The following KIF26B variants were observed in gnomAD, a reference collection of about 807,000 sequenced individuals.
KIF26B encodes the protein kinesin-like protein KIF26B.
In KIF26B, 63 loss-of-function variants were observed where a neutral mutation model predicts 151.2. The observed-to-expected ratio is 0.42, with a 90% CI of 0.34 to 0.51. The LOEUF is 0.51. Among genes scored for constraint, KIF26B ranks in the 20% least tolerant of loss-of-function variants. KIF26B has a pLI of 0.07. For missense variants in KIF26B, 2,813 were observed against 2,913.6 expected, an observed-to-expected ratio of 0.97 and a Z score of 0.79; for synonymous variants, 1,357 against 1,262.1, an observed-to-expected ratio of 1.08 and a Z score of -1.59.
intron 2 of KIF26B, among the ~76,000 whole-genome samples, chr1:245,301,888 T>C (rs1345866946): frequency 6.6e-6 from 1 of 152,186 alleles, no homozygotes; most frequent in African/African-American, 2.4e-5. Flanking sequence ...TGTTGAGATG[T>C]GTAAAAACGG....
chr1:245,193,968 G>A (rs1158076119), intron 2 of KIF26B, among the ~76,000 whole-genome samples: 1 of 152,194 alleles, frequency 6.6e-6, no homozygotes, highest in Non-Finnish European at 1.5e-5. Context: ...ATGGACGCCA[G>A]AAAGTTTCTT....
chr1:245,304,132 A>C (rs746224883), intron 2 of KIF26B, among the ~76,000 whole-genome samples: 2 of 152,228 alleles, frequency 1.3e-5, no homozygotes, highest in Non-Finnish European at 2.9e-5. Context: ...GGCACATCTT[A>C]CACTGTCTTT....
At chr1:245,298,677 T>C (rs1259837042) in intron 2 of KIF26B, among the ~76,000 whole-genome samples, 1 of 152,078 alleles carries the variant, frequency 6.6e-6, no homozygotes, top group Non-Finnish European at 1.5e-5. Context: ...ACACAGAAAA[T>C]TAGTTTTCAG....
intron 9 of KIF26B, among the ~76,000 whole-genome samples, chr1:245,613,552 C>T (rs541042744): frequency 2.6e-5 from 4 of 152,288 alleles, no homozygotes; most frequent in East Asian, 1.9e-4. Flanking sequence ...GAGCCCAGAT[C>T]GTGCCACTGC....
At chr1:245,692,458 C>T (rs1218729474) in intron 12 of KIF26B, among the ~76,000 whole-genome samples, 4 of 152,056 alleles carry the variant, frequency 2.6e-5, no homozygotes, top group Admixed American at 6.6e-5. Flanking sequence ...GTGCTTACAT[C>T]GGGACAGGCA....
At chr1:245,196,304 C>T (rs1249963851) in intron 2 of KIF26B, among the ~76,000 whole-genome samples, 1 of 152,176 alleles carries the variant, frequency 6.6e-6, no homozygotes, top group African/African-American at 2.4e-5. Context: ...TAAGCTTCTA[C>T]CTGGGCTCCC....
intron 3 of KIF26B, among the ~76,000 whole-genome samples, chr1:245,414,377 G>A (rs1204381073): frequency 3.3e-5 from 5 of 152,244 alleles, no homozygotes; most frequent in African/African-American, 1.2e-4. Context: ...AAGGAATTCA[G>A]TGGAAGCCAC....
At chr1:245,552,012 C>T (rs1661893412) in intron 5 of KIF26B, among the ~76,000 whole-genome samples, 1 of 151,722 alleles carries the variant, frequency 6.6e-6, no homozygotes, top group South Asian at 2.1e-4. Context: ...CCTTCTTGTT[C>T]CCCTTTGAAT....
chr1:245,344,428 G>A (rs1168020747), intron 2 of KIF26B, among the ~76,000 whole-genome samples: 6 of 148,576 alleles, frequency 4.0e-5, no homozygotes, highest in African/African-American at 1.5e-4. Context: ...CCGGAGGGCG[G>A]AGCCTGCAGT....
chr1:245,489,703 T>C (rs975409354), intron 4 of KIF26B, among the ~76,000 whole-genome samples: 13 of 152,270 alleles, frequency 8.5e-5, no homozygotes, highest in Non-Finnish European at 1.6e-4. Context: ...GTAAACTTGC[T>C]GGGTAGAAGG....
intron 2 of KIF26B, among the ~76,000 whole-genome samples, chr1:245,158,124 T>G (rs1558328237): frequency 6.6e-6 from 1 of 152,188 alleles, no homozygotes; most frequent in Non-Finnish European, 1.5e-5. Flanking sequence ...GGAAGGACCT[T>G]GGTTCTTAAA....
At chr1:245,208,002 G>T (rs1395573510) in intron 2 of KIF26B, among the ~76,000 whole-genome samples, 1 of 152,186 alleles carries the variant, frequency 6.6e-6, no homozygotes, top group African/African-American at 2.4e-5. Context: ...TGGGCTGTGT[G>T]CCCGAGCCCT....
chr1:245,429,679 T>C (rs1438944910), intron 4 of KIF26B, among the ~76,000 whole-genome samples: 2 of 152,306 alleles, frequency 1.3e-5, no homozygotes, highest in East Asian at 3.9e-4. Flanking sequence ...AGTGGCACAA[T>C]CTCGGCTCAC....
intron 4 of KIF26B, among the ~76,000 whole-genome samples, chr1:245,453,170 A>G (rs1659436528): frequency 6.6e-6 from 1 of 152,112 alleles, no homozygotes; most frequent in African/African-American, 2.4e-5. Context: ...GTCCCAGAAC[A>G]CTAGATCTGT....
intron 4 of KIF26B, among the ~76,000 whole-genome samples, chr1:245,481,591 C>T (rs779731581): frequency 6.6e-6 from 1 of 151,764 alleles, no homozygotes; most frequent in Non-Finnish European, 1.5e-5. Flanking sequence ...GATCTTTTTG[C>T]GTGAAGCTAA....
intron 10 of KIF26B, among the ~76,000 whole-genome samples, chr1:245,659,786 C>T (rs1367577472): frequency 3.3e-5 from 5 of 151,894 alleles, no homozygotes; most frequent in African/African-American, 1.2e-4. Flanking sequence ...CACCTGTAAT[C>T]CCAGCACTTT....
intron 2 of KIF26B, among the ~76,000 whole-genome samples, chr1:245,226,680 C>T (rs1669883580): frequency 6.6e-6 from 1 of 152,144 alleles, no homozygotes; most frequent in Admixed American, 6.6e-5. Flanking sequence ...TCAGGCTGGT[C>T]TCAAACTCCC....
chr1:245,689,491 C>T (rs2044594482), intron 12 of KIF26B, among the ~76,000 whole-genome samples: 1 of 152,234 alleles, frequency 6.6e-6, no homozygotes, highest in Non-Finnish European at 1.5e-5. Flanking sequence ...GCCACAGGGC[C>T]TGCAGTGCCC....
In KIF26B at chr1:245,577,201, C is replaced by T. The variant is rs540780784; in HGVS notation, c.1351-25376C>T. Among the ~76,000 whole-genome samples, 16 of 152,268 alleles carry T rather than the reference C, an allele frequency of 1.1e-4. No homozygotes were observed. In the East Asian group the frequency reaches 3.1e-3, roughly 29 times the overall value. On this transcript the variant is annotated intron_variant, in intron 5 of 14. Coordinates refer to ENST00000407071, the MANE Select transcript of KIF26B (RefSeq NM_018012.4). ...ACAGGGGCACGAGTGATGTCATGGA[C>T]CAGATGTTTGTGTCGTAGGGGGATG...
Sources: gnomAD v4.1 joint callset for allele counts (sites outside exome capture counted in the v4.1 genomes callset) on GRCh38, gnomAD v4.1.1 for gene constraint, MANE v1.5 for transcripts, NCBI Gene and HGNC (gene_info 2026-07-23, HGNC 2026-07-21) for gene names.